SGCD: variants seen among roughly 807,000 people sequenced by gnomAD.
The protein encoded by SGCD is sarcoglycan delta.
SGCD carries 18 observed loss-of-function variants against 36.6 expected under a neutral mutation model. That is an observed-to-expected ratio of 0.49 (90% confidence interval 0.34 to 0.73). The LOEUF (loss-of-function observed/expected upper bound fraction) is 0.73. SGCD is among the 30% of genes least tolerant of loss of function. SGCD has a pLI of 0.01. For synonymous variants in SGCD, 133 were observed against 130.6 expected (o/e 1.02, Z -0.12); for missense variants, 387 against 346.7 (o/e 1.12, Z -0.92).
chr5:156,322,527 A>T (rs1767697923), upstream of SGCD, among the ~76,000 whole-genome samples: 1 of 152,206 alleles, frequency 6.6e-6, no homozygotes, highest in Admixed American at 6.5e-5. Flanking sequence ...ATACAACTAA[A>T]ATAAGTGCTA....
At chr5:156,300,575 T>G (rs943527949) in intron 3 of SGCD, among the ~76,000 whole-genome samples, 1 of 152,250 alleles carries the variant, frequency 6.6e-6, no homozygotes. Context: ...AAGAGAAGAA[T>G]GTGAATTCTG....
At chr5:156,125,397 G>A (rs182293566) in intron 3 of SGCD, among the ~76,000 whole-genome samples, 9 of 151,992 alleles carry the variant, frequency 5.9e-5, no homozygotes, top group Non-Finnish European at 1.3e-4. Flanking sequence ...TGTGGTGTAT[G>A]CTCTTAGCTA....
intron 1 of SGCD, among the ~76,000 whole-genome samples, chr5:156,084,491 G>A (rs557006183): frequency 4.6e-5 from 7 of 152,208 alleles, no homozygotes; most frequent in East Asian, 1.9e-4. Flanking sequence ...CTTAGCTCCC[G>A]AAATCATAAG....
chr5:156,125,658 G>T (rs972998110), intron 3 of SGCD, among the ~76,000 whole-genome samples: 1 of 151,672 alleles, frequency 6.6e-6, no homozygotes, highest in Non-Finnish European at 1.5e-5. Flanking sequence ...GGAAGTTTCA[G>T]TATAAATACT....
At chr5:156,399,813 G>A (rs1772048557) in intron 3 of SGCD, among the ~76,000 whole-genome samples, 2 of 152,138 alleles carry the variant, frequency 1.3e-5, no homozygotes, top group Admixed American at 6.6e-5. Context: ...AGAGAAGAAG[G>A]GATTATGTCT....
intron 1 of SGCD, among the ~76,000 whole-genome samples, chr5:156,060,135 T>G (rs1760165618): frequency 6.8e-6 from 1 of 146,576 alleles, no homozygotes; most frequent in South Asian, 2.1e-4. Context: ...TCAAAGGAGT[T>G]TTAGAACCCC....
intron 1 of SGCD, among the ~76,000 whole-genome samples, chr5:155,946,994 T>C (rs768280023): frequency 6.6e-6 from 1 of 152,102 alleles, no homozygotes; most frequent in Non-Finnish European, 1.5e-5. Context: ...ATAGGAATGG[T>C]AATAGATTTG....
intron 7 of SGCD, among the ~76,000 whole-genome samples, chr5:156,654,355 G>A (rs1353070526): frequency 1.3e-5 from 2 of 152,132 alleles, no homozygotes; most frequent in Non-Finnish European, 2.9e-5. Flanking sequence ...ATTCTCTTTG[G>A]AATACTGAAT....
Position 156,578,790 on chromosome 5 carries a change from T to C in SGCD, c.295-10441T>C, listed in dbSNP as rs111987435. 2.5e-3 allele frequency among the ~76,000 whole-genome samples: 388 copies of C among 152,336 alleles called. 2 individuals are homozygous for C. The highest frequency in any genetic ancestry group is 8.8e-3 in the African/African-American group (365 of 41,566). On this transcript the variant is annotated intron_variant, in intron 4 of 8. Transcript: ENST00000337851. Reference sequence around the variant, plus strand: ...CATTATCATGTTTTATTGCATCTATTTGAGTCTTCTCTCTTTTCTTCTGTA... The same window carrying C: ...CATTATCATGTTTTATTGCATCTATCTGAGTCTTCTCTCTTTTCTTCTGTA...
intron 3 of SGCD, among the ~76,000 whole-genome samples, chr5:156,255,692 T>A (rs1765697305): frequency 1.3e-5 from 2 of 152,156 alleles, no homozygotes. Flanking sequence ...CTATTTTTTG[T>A]GTATGTTGTT....
chr5:156,167,653 G>A (rs1246106612), intron 3 of SGCD, among the ~76,000 whole-genome samples: 1 of 152,106 alleles, frequency 6.6e-6, no homozygotes, highest in African/African-American at 2.4e-5. Flanking sequence ...CTGTCTCTCT[G>A]TTGCTCCCTC....
At chr5:155,911,253 A>C (rs2113356725) in intron 1 of SGCD, among the ~76,000 whole-genome samples, 1 of 151,838 alleles carries the variant, frequency 6.6e-6, no homozygotes, top group African/African-American at 2.4e-5. Context: ...TTTATTGCTA[A>C]AATTTATATA....
chr5:156,522,004 A>C (rs1757431142), intron 4 of SGCD, among the ~76,000 whole-genome samples: 1 of 152,218 alleles, frequency 6.6e-6, no homozygotes, highest in Admixed American at 6.5e-5. Context: ...GCTATGGAAT[A>C]CTATGCAGCC....
chr5:156,268,958 T>C (rs553613308), intron 3 of SGCD, among the ~76,000 whole-genome samples: 24 of 152,230 alleles, frequency 1.6e-4, no homozygotes, highest in African/African-American at 5.3e-4. Flanking sequence ...ATTGGCTGCA[T>C]GTATGTCTTC....
chr5:155,737,040 GT>G, the SGCD span, among the ~76,000 whole-genome samples: 364 of 152,332 alleles, frequency 2.4e-3, 1 homozygote, highest in South Asian at 6.8e-3. Flanking sequence ...CAAGCTGAGG[GT>G]TGGGCAAGTT....
chr5:156,753,722 A>G (rs907845389), intron 7 of SGCD, among the ~76,000 whole-genome samples: 16 of 152,114 alleles, frequency 1.1e-4, no homozygotes, highest in African/African-American at 3.9e-4. Flanking sequence ...CGAAGGGGGA[A>G]AGCCTCTTAT....
At chr5:156,290,027 T>C (rs1766715895) in intron 3 of SGCD, among the ~76,000 whole-genome samples, 1 of 152,168 alleles carries the variant, frequency 6.6e-6, no homozygotes, top group South Asian at 2.1e-4. Context: ...AATGGTTGAA[T>C]ACTGGAAAGA....
chr5:156,583,778 C>T (rs543553963), intron 4 of SGCD, among the ~76,000 whole-genome samples: 3 of 152,256 alleles, frequency 2.0e-5, no homozygotes, highest in South Asian at 4.1e-4. Flanking sequence ...AGACAGCCTA[C>T]AAGTCTGAGT....
the SGCD span, among the ~76,000 whole-genome samples, chr5:155,755,336 C>A: frequency 6.6e-6 from 1 of 152,134 alleles, no homozygotes; most frequent in Non-Finnish European, 1.5e-5. Context: ...ATTTTCATAA[C>A]CTAGGACTTG....
Sources: gnomAD v4.1 joint callset for allele counts (sites outside exome capture counted in the v4.1 genomes callset) on GRCh38, gnomAD v4.1.1 for gene constraint, MANE v1.5 for transcripts, NCBI Gene and HGNC (gene_info 2026-07-23, HGNC 2026-07-21) for gene names.